SEMA6D: variants seen among roughly 807,000 people sequenced by gnomAD.
The protein encoded by SEMA6D is semaphorin-6D.
In SEMA6D, 35 loss-of-function variants were observed where a neutral mutation model predicts 106.6. The observed-to-expected ratio is 0.33, with a 90% CI of 0.25 to 0.44. The LOEUF is 0.44. SEMA6D is among the 20% of genes least tolerant of loss of function. SEMA6D has a pLI of 1.00. For synonymous variants in SEMA6D, 499 were observed against 487.7 expected (o/e 1.02, Z -0.31); for missense variants, 1,185 against 1,345.9 (o/e 0.88, Z 1.87).
chr15:47,375,140 G>A (rs2039405637), intron 1 of SEMA6D, among the ~76,000 whole-genome samples: 1 of 152,194 alleles, frequency 6.6e-6, no homozygotes, highest in Non-Finnish European at 1.5e-5. Context: ...TAACATTTAA[G>A]AGATTAGACA....
chr15:47,569,161 A>G (rs2046311358), intron 3 of SEMA6D, among the ~76,000 whole-genome samples: 1 of 152,198 alleles, frequency 6.6e-6, no homozygotes, highest in Non-Finnish European at 1.5e-5. Context: ...CTTGGTGGTA[A>G]CTATACCTTT....
intron 3 of SEMA6D, among the ~76,000 whole-genome samples, chr15:47,552,817 AATATATATATTTTT>A (rs1430621660): frequency 7.4e-5 from 1 of 13,492 alleles, no homozygotes; most frequent in Admixed American, 1.8e-3. Flanking sequence ...AATATATATA[AATATATATATTTTT>A]ATATATATAT....
intron 4 of SEMA6D, among the ~76,000 whole-genome samples, chr15:47,638,202 G>A (rs985313126): frequency 5.3e-5 from 8 of 151,914 alleles, no homozygotes; most frequent in Admixed American, 2.6e-4. Context: ...AAAAATGGCC[G>A]TATGATGTGT....
rs181365805 is a variant in SEMA6D, at chr15:47,492,950, C to A, written c.-87+22405C>A. ...TATTAAATTCTTCCATATCCGTTAC[C>A]AAGGTCCTCTGAGCAGGACAGCAGG... On this transcript the variant is annotated intron_variant, in intron 3 of 19. Coordinates refer to the SEMA6D transcript ENST00000558014. Among the ~76,000 whole-genome samples the A allele has an allele frequency of 4.4e-3, 671 of 152,124 alleles. 5 individuals carry two copies. The highest frequency in any genetic ancestry group is 7.3e-3 in the Non-Finnish European group (497 of 67,984).
In SEMA6D at chr15:47,770,479, C is replaced by A. The variant is rs915429319; in HGVS notation, c.1934-18C>A. Reference sequence around the variant, plus strand: ...TTAAAAAGCACCTTATTCACATTGTCCCATGTGTCTATTTCAGGTGTACGA... The same window carrying A: ...TTAAAAAGCACCTTATTCACATTGTACCATGTGTCTATTTCAGGTGTACGA... On this transcript the variant is annotated intron_variant, in intron 18 of 18. Coordinates refer to ENST00000536845, the MANE Select transcript of SEMA6D (RefSeq NM_001358351.3). The A allele has an allele frequency of 7.1e-6, 11 of 1,554,982 alleles. No homozygotes were observed. The highest frequency in any genetic ancestry group is 1.4e-5 in the African/African-American group (1 of 72,884).
chr15:47,710,597 A>AAC (rs1487584833), intron 4 of SEMA6D, among the ~76,000 whole-genome samples: 2 of 152,042 alleles, frequency 1.3e-5, no homozygotes, highest in African/African-American at 2.4e-5. Context: ...CACACACACA[A>AAC]ACACACACAC....
At chr15:47,420,994 C>G (rs2041135484) in intron 2 of SEMA6D, among the ~76,000 whole-genome samples, 1 of 152,070 alleles carries the variant, frequency 6.6e-6, no homozygotes, top group African/African-American at 2.4e-5. Flanking sequence ...CTCTTCTTAT[C>G]TTACAATGTA....
At chr15:47,478,910 T>G (rs1200861849) in intron 3 of SEMA6D, among the ~76,000 whole-genome samples, 1 of 152,058 alleles carries the variant, frequency 6.6e-6, no homozygotes, top group Non-Finnish European at 1.5e-5. Flanking sequence ...AGAGAGAGTG[T>G]GCAGAGGAAC....
At chr15:47,491,514 AGG>A (rs2141439498) in intron 3 of SEMA6D, among the ~76,000 whole-genome samples, 1 of 152,338 alleles carries the variant, frequency 6.6e-6, no homozygotes, top group East Asian at 1.9e-4. Context: ...TTAAAAAATA[AGG>A]GAACTATAAA....
chr15:47,310,271 T>A (rs1322333828), intron 1 of SEMA6D, among the ~76,000 whole-genome samples: 1 of 152,192 alleles, frequency 6.6e-6, no homozygotes, highest in African/African-American at 2.4e-5. Context: ...ATATGCCCCA[T>A]CATATAATGA....
At chr15:47,724,587 G>C (rs1306214498) in intron 1 of SEMA6D, among the ~76,000 whole-genome samples, 1 of 151,606 alleles carries the variant, frequency 6.6e-6, no homozygotes. Context: ...TGGGGGAGGT[G>C]TTGAGAGGGA....
intron 1 of SEMA6D, among the ~76,000 whole-genome samples, chr15:47,343,223 A>T (rs143641033): frequency 6.3e-4 from 87 of 138,434 alleles, no homozygotes; most frequent in South Asian, 8.8e-4. Flanking sequence ...ATTCTTTTTT[A>T]AAAAAACGAT....
Position 47,647,092 on chromosome 15 carries a change from C to T in SEMA6D, c.-55+46196C>T, listed in dbSNP as rs543376834. 1.5e-4 allele frequency among the ~76,000 whole-genome samples: 23 copies of T among 152,198 alleles called. No homozygotes were observed. The South Asian group carries it at 2.3e-3, about 15-fold the overall frequency. On this transcript the variant is annotated intron_variant, in intron 4 of 19. Transcript: ENST00000558014. ...AGACAGGTACAATTTTAGCTTAGTA[C>T]GAGTTTTCCAAAGACAAGACAAAGC...
chr15:47,559,408 G>T (rs1248053335), intron 3 of SEMA6D, among the ~76,000 whole-genome samples: 1 of 152,066 alleles, frequency 6.6e-6, no homozygotes, highest in Non-Finnish European at 1.5e-5. Flanking sequence ...AAGAATATAA[G>T]TTTGTGGTTT....
chr15:47,694,491 A>C (rs1263843426), intron 4 of SEMA6D, among the ~76,000 whole-genome samples: 1 of 152,086 alleles, frequency 6.6e-6, no homozygotes, highest in South Asian at 2.1e-4. Flanking sequence ...CTTTCTTATT[A>C]CAAAATAAAC....
At chr15:47,348,755 G>GAGAGAGAA (rs1361223017) in intron 1 of SEMA6D, among the ~76,000 whole-genome samples, 1 of 92,650 alleles carries the variant, frequency 1.1e-5, no homozygotes, top group Non-Finnish European at 2.8e-5. Context: ...GAGAGAGAGA[G>GAGAGAGAA]AGAGAGAGAG....
intron 1 of SEMA6D, among the ~76,000 whole-genome samples, chr15:47,302,532 A>AATC (rs2036063155): frequency 6.6e-6 from 1 of 152,198 alleles, no homozygotes; most frequent in Non-Finnish European, 1.5e-5. Context: ...AGATGTGATT[A>AATC]AGTAGGGATT....
Position 47,771,360 on chromosome 15 carries a change from C to T in SEMA6D, c.2797C>T (p.Pro933Ser), listed in dbSNP as rs1163622846. The part of the protein sequence containing the change: ...PNREASLYSP[P>S]STLPRNSPTK... ...CCGGGAGGCATCGCTATACTCCCCT[C>T]CTTCAACTCTCCCCAGAAATAGCCC... The change falls in exon 19 of 19, where the codon CCT becomes TCT. Residue 933 changes from proline (P) to serine (S), a missense_variant. Pro to Ser is a moderately conservative substitution (Grantham distance 74). Around this residue, in one of 3 missense-constraint regions of SEMA6D, gnomAD observed 750 missense variants for 783.5 expected, o/e 0.96. Coordinates refer to ENST00000536845, the MANE Select transcript of SEMA6D (RefSeq NM_001358351.3). The T allele has an allele frequency of 6.2e-7, 1 of 1,614,038 alleles. No homozygotes were observed. Among genetic ancestry groups the T allele is most frequent in the Admixed American group, 1.7e-5 (1 of 60,022 alleles).
chr15:47,443,988 C>T (rs556396379), intron 2 of SEMA6D, among the ~76,000 whole-genome samples: 1 of 152,142 alleles, frequency 6.6e-6, no homozygotes, highest in Non-Finnish European at 1.5e-5. Context: ...AGAAGACAGT[C>T]ATGGTATCTT....
Sources: allele counts gnomAD v4.1 joint callset (sites outside exome capture counted in the v4.1 genomes callset), GRCh38; gene constraint gnomAD v4.1.1; regional missense constraint gnomAD v4.1.1; transcripts MANE v1.5; gene names NCBI Gene and HGNC (gene_info 2026-07-23, HGNC 2026-07-21).